ERC2: variants seen among roughly 807,000 people sequenced by gnomAD.
The protein encoded by ERC2 is ELKS/RAB6-interacting/CAST family member 2.
In ERC2, 42 loss-of-function variants were observed where a neutral mutation model predicts 114.8. The observed-to-expected ratio is 0.37, with a 90% CI of 0.29 to 0.47. The LOEUF is 0.47. ERC2 is among the 20% of genes least tolerant of loss of function. The probability of loss-of-function intolerance (pLI) is 0.99; values close to 1 mark genes in which losing one functional copy is unlikely to be tolerated. For synonymous variants in ERC2, 454 were observed against 425.5 expected (o/e 1.07, Z -0.82); for missense variants, 939 against 1,150.7 (o/e 0.82, Z 2.66).
intron 6 of ERC2, among the ~76,000 whole-genome samples, chr3:56,113,577 C>T (rs952135626): frequency 6.6e-5 from 10 of 152,186 alleles, no homozygotes; most frequent in African/African-American, 2.2e-4. Flanking sequence ...ACTCACAATA[C>T]TTCTGACACC....
chr3:55,766,053 C>G (rs1191569021), intron 14 of ERC2, among the ~76,000 whole-genome samples: 1 of 152,118 alleles, frequency 6.6e-6, no homozygotes, highest in Admixed American at 6.5e-5. Context: ...ATGCCTGGGC[C>G]AAGTCCCAGG....
intron 14 of ERC2, among the ~76,000 whole-genome samples, chr3:55,825,739 G>T (rs757516002): frequency 7.3e-5 from 11 of 151,384 alleles, no homozygotes; most frequent in Non-Finnish European, 1.6e-4. Context: ...TTTCATCTGT[G>T]GTGATATTAC....
chr3:56,275,724 G>A (rs2053946039), intron 3 of ERC2, among the ~76,000 whole-genome samples: 1 of 152,202 alleles, frequency 6.6e-6, no homozygotes. Context: ...CTGGTTGCTG[G>A]ACTGCACTTT....
chr3:55,539,012 T>G (rs1263046794), intron 17 of ERC2, among the ~76,000 whole-genome samples: 1 of 152,204 alleles, frequency 6.6e-6, no homozygotes, highest in Non-Finnish European at 1.5e-5. Context: ...GTTTCCCAAA[T>G]TATGGCCTGA....
chr3:56,391,058 C>T (rs1381236438), intron 2 of ERC2, among the ~76,000 whole-genome samples: 1 of 152,200 alleles, frequency 6.6e-6, no homozygotes, highest in East Asian at 1.9e-4. Flanking sequence ...TTGCACTCAT[C>T]TCAAAGGATG....
chr3:55,829,060 A>T (rs931207484), intron 14 of ERC2, among the ~76,000 whole-genome samples: 7 of 152,258 alleles, frequency 4.6e-5, no homozygotes, highest in Non-Finnish European at 8.8e-5. Flanking sequence ...GAGCCCAGGA[A>T]GTTGAGGCTG....
At chr3:55,632,369 T>C (rs1384027042) in intron 17 of ERC2, among the ~76,000 whole-genome samples, 1 of 152,150 alleles carries the variant, frequency 6.6e-6, no homozygotes, top group African/African-American at 2.4e-5. Flanking sequence ...GGTACCAGGG[T>C]ATGGATGACC....
intron 16 of ERC2, among the ~76,000 whole-genome samples, chr3:55,692,121 T>TTGCC (rs1325509131): frequency 1.3e-5 from 2 of 152,232 alleles, no homozygotes; most frequent in African/African-American, 4.8e-5. Flanking sequence ...GTTGGACCCC[T>TTGCC]TGCCTGTCTG....
chr3:55,767,451 G>A (rs995822298), intron 14 of ERC2, among the ~76,000 whole-genome samples: 2 of 152,144 alleles, frequency 1.3e-5, no homozygotes, highest in Non-Finnish European at 2.9e-5. Flanking sequence ...CAAGTATGAG[G>A]GAAGTAAAAC....
chr3:55,710,105 G>A (rs765317019), intron 15 of ERC2, among the ~76,000 whole-genome samples: 14 of 152,082 alleles, frequency 9.2e-5, no homozygotes, highest in Non-Finnish European at 1.5e-4. Context: ...CTTTCGTCTG[G>A]ATCACAACAC....
chr3:56,301,066 T>C (rs1359544462), intron 2 of ERC2, among the ~76,000 whole-genome samples: 1 of 152,146 alleles, frequency 6.6e-6, no homozygotes, highest in Non-Finnish European at 1.5e-5. Context: ...CTGGGCAACA[T>C]AGAGAGACCC....
intron 17 of ERC2, among the ~76,000 whole-genome samples, chr3:55,550,909 G>A (rs971172653): frequency 5.3e-5 from 8 of 151,644 alleles, no homozygotes; most frequent in East Asian, 3.9e-4. Context: ...CCAGCTACTC[G>A]GGAGGCTGAG....
At chr3:55,811,470 G>T (rs1204169077) in intron 14 of ERC2, among the ~76,000 whole-genome samples, 1 of 152,144 alleles carries the variant, frequency 6.6e-6, no homozygotes, top group Non-Finnish European at 1.5e-5. Flanking sequence ...AGTTAAAAGA[G>T]GCAAATGGCA....
intron 17 of ERC2, among the ~76,000 whole-genome samples, chr3:55,645,931 A>G (rs924917733): frequency 6.6e-6 from 1 of 152,188 alleles, no homozygotes; most frequent in Non-Finnish European, 1.5e-5. Flanking sequence ...CTTCCAAAAA[A>G]GCCATGTTGC....
intron 8 of ERC2, among the ~76,000 whole-genome samples, chr3:56,013,393 G>A (rs530587888): frequency 2.4e-4 from 37 of 152,266 alleles, no homozygotes; most frequent in African/African-American, 7.5e-4. Flanking sequence ...ATAAAAATGG[G>A]ACTTGTGAGC....
chr3:56,346,557 T>C (rs968169541), intron 2 of ERC2, among the ~76,000 whole-genome samples: 1 of 152,206 alleles, frequency 6.6e-6, no homozygotes, highest in Non-Finnish European at 1.5e-5. Context: ...TCTGCAAATC[T>C]TTTCTGGTGA....
intron 3 of ERC2, among the ~76,000 whole-genome samples, chr3:56,211,800 T>C (rs951929596): frequency 6.6e-6 from 1 of 152,062 alleles, no homozygotes; most frequent in South Asian, 2.1e-4. Context: ...TTAAGCCAAA[T>C]ACTTACGGCC....
chr3:55,835,789 A>T (rs570373533), intron 14 of ERC2, among the ~76,000 whole-genome samples: 6 of 152,210 alleles, frequency 3.9e-5, no homozygotes, highest in African/African-American at 1.4e-4. Flanking sequence ...AGGGTATTCA[A>T]TTAGGAAAAG....
At chr3:55,843,384 A>G (rs956861788) in intron 14 of ERC2, among the ~76,000 whole-genome samples, 1 of 152,226 alleles carries the variant, frequency 6.6e-6, no homozygotes, top group African/African-American at 2.4e-5. Flanking sequence ...ACTTTGATGT[A>G]GGAAGAAACT....
Sources: gnomAD v4.1 joint callset for allele counts (sites outside exome capture counted in the v4.1 genomes callset) on GRCh38, gnomAD v4.1.1 for gene constraint, MANE v1.5 for transcripts, NCBI Gene and HGNC (gene_info 2026-07-23, HGNC 2026-07-21) for gene names.